The following SLC39A11 variants were observed in gnomAD, a reference collection of about 807,000 sequenced individuals.
SLC39A11 encodes zinc transporter ZIP11.
A neutral mutation model predicts 36.1 loss-of-function variants in SLC39A11; 33 were observed. The ratio of observed to expected loss-of-function variants is 0.91; its 90% CI spans 0.69 to 1.22. SLC39A11 has a LOEUF of 1.22. Ranked by LOEUF, SLC39A11 falls within the 50% of genes most tolerant of loss-of-function variation. SLC39A11 has a pLI of 0.00. For missense variants in SLC39A11, 432 were observed against 430.3 expected (o/e 1.00, Z -0.03); for synonymous variants, 166 against 170.3 (o/e 0.97, Z 0.20).
intron 7 of SLC39A11, among the ~76,000 whole-genome samples, chr17:72,694,052 G>A (rs558701226): frequency 8.4e-4 from 128 of 152,294 alleles, no homozygotes; most frequent in Non-Finnish European, 1.1e-3. Context: ...GGGCTGGACT[G>A]AGGGAGTCCC....
intron 7 of SLC39A11, among the ~76,000 whole-genome samples, chr17:72,669,080 T>C (rs1411612792): frequency 6.6e-6 from 1 of 152,258 alleles, no homozygotes; most frequent in Non-Finnish European, 1.5e-5. Flanking sequence ...GTATATTCGA[T>C]AATTTTATTA....
intron 7 of SLC39A11, among the ~76,000 whole-genome samples, chr17:72,709,662 G>C (rs1048716824): frequency 7.2e-5 from 11 of 152,362 alleles, no homozygotes; most frequent in African/African-American, 2.2e-4. Context: ...CAGGGAGAGA[G>C]AGAGAACTTT....
rs527957778 is a variant in SLC39A11, at chr17:72,951,294, A to T, written c.307-3419T>A. ...AAAAAAAAAAGCCAGCAAAATGTCAATAGTGCTGAGCTTCAGATACCTGCT... is the reference window on the plus strand; with the variant it reads ...AAAAAAAAAAGCCAGCAAAATGTCATTAGTGCTGAGCTTCAGATACCTGCT... On this transcript the variant is annotated intron_variant, in intron 4 of 9. Coordinates refer to ENST00000255559, the MANE Select transcript of SLC39A11 (RefSeq NM_139177.4). Among the ~76,000 whole-genome samples the T allele has an allele frequency of 2.0e-5, 3 of 150,272 alleles. No individual in the cohort carries two copies. In the South Asian group the frequency reaches 6.4e-4, roughly 32 times the overall value.
chr17:72,869,273 A>G (rs2080481374), intron 5 of SLC39A11, among the ~76,000 whole-genome samples: 1 of 152,264 alleles, frequency 6.6e-6, no homozygotes. Flanking sequence ...ATCTGGAAGC[A>G]TCTGGGACAG....
intron 6 of SLC39A11, among the ~76,000 whole-genome samples, chr17:72,784,080 C>T (rs1598722927): frequency 6.6e-6 from 1 of 152,126 alleles, no homozygotes; most frequent in Non-Finnish European, 1.5e-5. Flanking sequence ...TGTGGTGCCT[C>T]ACGCCTGTAA....
chr17:72,995,141 C>G (rs1441628711), intron 4 of SLC39A11, among the ~76,000 whole-genome samples: 1 of 152,192 alleles, frequency 6.6e-6, no homozygotes, highest in Non-Finnish European at 1.5e-5. Context: ...GAATGACTGG[C>G]CCCAGTTCTT....
At chr17:72,783,200 C>A in intron 6 of SLC39A11, among the ~76,000 whole-genome samples, 1 of 149,694 alleles carries the variant, frequency 6.7e-6, no homozygotes, top group African/African-American at 2.6e-5. Flanking sequence ...TCACCAGACA[C>A]TGAATCTGAA....
chr17:73,004,553 G>A (rs941654869), intron 4 of SLC39A11, among the ~76,000 whole-genome samples: 9 of 152,210 alleles, frequency 5.9e-5, no homozygotes, highest in East Asian at 1.9e-4. Flanking sequence ...TTCAACATAC[G>A]AATGTGGAAG....
At chr17:72,993,240 A>G (rs941923031) in intron 4 of SLC39A11, among the ~76,000 whole-genome samples, 4 of 152,218 alleles carry the variant, frequency 2.6e-5, no homozygotes, top group African/African-American at 9.6e-5. Context: ...AAATTTGATT[A>G]TTGTAAAGAT....
chr17:72,744,849 CTTTT>C (rs1474846105), intron 6 of SLC39A11, among the ~76,000 whole-genome samples: 1 of 151,776 alleles, frequency 6.6e-6, no homozygotes, highest in Non-Finnish European at 1.5e-5. Flanking sequence ...CACATCTTTT[CTTTT>C]TTATTTGAGA....
intron 4 of SLC39A11, among the ~76,000 whole-genome samples, chr17:73,007,840 C>T (rs1282300722): frequency 3.3e-5 from 5 of 152,338 alleles, no homozygotes; most frequent in Middle Eastern, 3.4e-3. Flanking sequence ...CAGTGGCTCA[C>T]GCCTATAATC....
At chr17:72,750,248 C>T (rs925946790) in intron 6 of SLC39A11, among the ~76,000 whole-genome samples, 1 of 152,086 alleles carries the variant, frequency 6.6e-6, no homozygotes, top group Admixed American at 6.5e-5. Flanking sequence ...ATGAAGAGGT[C>T]GTGCAGTCTG....
intron 3 of SLC39A11, among the ~76,000 whole-genome samples, chr17:73,073,387 A>G (rs1333681881): frequency 6.6e-6 from 1 of 152,020 alleles, no homozygotes; most frequent in East Asian, 1.9e-4. Context: ...ACCCTCCCCC[A>G]TGTCCTCTTC....
rs576845203 is a variant in SLC39A11, at chr17:72,967,864, C to T, written c.307-19989G>A. Among the ~76,000 whole-genome samples the T allele has an allele frequency of 2.0e-5, 3 of 152,244 alleles. No homozygotes were observed. In the South Asian group the frequency reaches 6.2e-4, roughly 32 times the overall value. ...AGGGAGGTTAATAACTGTGCCCAGC[C>T]CCTTAACAGCAGAGCTAAGGAGGGC... On this transcript the variant is annotated intron_variant, in intron 4 of 9. Coordinates refer to ENST00000255559, the MANE Select transcript of SLC39A11 (RefSeq NM_139177.4).
chr17:72,969,478 G>A (rs1471423387), intron 4 of SLC39A11, among the ~76,000 whole-genome samples: 1 of 152,096 alleles, frequency 6.6e-6, no homozygotes, highest in African/African-American at 2.4e-5. Context: ...AACCACTTCT[G>A]TGTCATGCCT....
At chr17:72,831,191 A>G (rs1303714080) in intron 6 of SLC39A11, among the ~76,000 whole-genome samples, 2 of 152,074 alleles carry the variant, frequency 1.3e-5, no homozygotes, top group Admixed American at 1.3e-4. Flanking sequence ...AGACAGAAAG[A>G]ATTTCTGAGA....
intron 3 of SLC39A11, among the ~76,000 whole-genome samples, chr17:73,070,655 G>A (rs2060134628): frequency 6.6e-6 from 1 of 152,142 alleles, no homozygotes; most frequent in South Asian, 2.1e-4. Context: ...TTCAATTGTA[G>A]CTTCCACAAT....
At chr17:72,945,043 AGATG>A (rs139488879) in intron 5 of SLC39A11, among the ~76,000 whole-genome samples, 71,036 of 150,916 alleles carry the variant, frequency 0.47, 19,208 homozygotes, top group South Asian at 0.67. Context: ...AGCTAATTGG[AGATG>A]GATGGATGGA....
chr17:72,754,758 A>T (rs1314639079), intron 6 of SLC39A11, among the ~76,000 whole-genome samples: 1 of 152,232 alleles, frequency 6.6e-6, no homozygotes, highest in Non-Finnish European at 1.5e-5. Context: ...CACAGGATGC[A>T]GTGATGATGC....
Sources: allele counts gnomAD v4.1 joint callset (sites outside exome capture counted in the v4.1 genomes callset), GRCh38; gene constraint gnomAD v4.1.1; transcripts MANE v1.5; gene names NCBI Gene and HGNC (gene_info 2026-07-23, HGNC 2026-07-21).